Variants in EXOC6B observed in about 807,000 individuals in gnomAD.
The protein encoded by EXOC6B is SEC15 homolog B.
A neutral mutation model predicts 113.5 loss-of-function variants in EXOC6B; 54 were observed. The observed-to-expected ratio is 0.48, with a 90% CI of 0.38 to 0.60. The LOEUF (loss-of-function observed/expected upper bound fraction) is 0.60, where lower values mean the gene tolerates loss of function less well. Among genes scored for constraint, EXOC6B ranks in the 20% least tolerant of loss-of-function variants. The pLI, the probability that EXOC6B is intolerant of heterozygous loss-of-function variation, is 0.00. For missense variants in EXOC6B, 797 were observed against 977.5 expected (o/e 0.82, Z 2.46); for synonymous variants, 357 against 339.0 (o/e 1.05, Z -0.58).
chr2:72,300,526 T>G (rs531781863), intron 20 of EXOC6B, among the ~76,000 whole-genome samples: 1 of 151,758 alleles, frequency 6.6e-6, no homozygotes, highest in Admixed American at 6.6e-5. Context: ...TCCAGGGGAG[T>G]GAATGGTTCT....
intron 6 of EXOC6B, among the ~76,000 whole-genome samples, chr2:72,662,079 GA>G (rs1385961811): frequency 2.8e-4 from 36 of 130,820 alleles, no homozygotes; most frequent in Non-Finnish European, 5.5e-4. Flanking sequence ...GGAGGAAAGG[GA>G]GGGGGAGGGA....
chr2:72,499,968 T>C lies in EXOC6B; in HGVS notation c.1172A>G (p.Tyr391Cys), dbSNP rs1475176742. ...TAACACAAGGTTTGGATCAGAACAG[T>C]AAGACTAAAGTAAATAAAAGACAAA... The part of the protein sequence containing the change: ...TIAALRTHSS[Y>C]CSDPNLVLDL... The change falls in exon 12 of 22, where the codon TAC becomes TGC. Residue 391 changes from tyrosine (Y) to cysteine (C), a missense_variant. Physicochemically the swap from Tyr to Cys is radical, Grantham distance 194. Transcript: ENST00000272427. The C allele has an allele frequency of 6.5e-7, 1 of 1,545,796 alleles. No individual in the cohort carries two copies. The highest frequency in any genetic ancestry group is 2.0e-5 in the Admixed American group (1 of 50,986).
At chr2:72,654,502 A>T (rs1674448996) in intron 6 of EXOC6B, among the ~76,000 whole-genome samples, 2 of 152,162 alleles carry the variant, frequency 1.3e-5, no homozygotes, top group Non-Finnish European at 1.5e-5. Flanking sequence ...AGGTTTCAAA[A>T]CTGATGTGTA....
chr2:72,599,168 T>G (rs982571317), intron 6 of EXOC6B, among the ~76,000 whole-genome samples: 5 of 152,068 alleles, frequency 3.3e-5, no homozygotes, highest in African/African-American at 1.2e-4. Flanking sequence ...CAAAATATAG[T>G]AATGCAAATC....
At chr2:72,189,283 C>G (rs900064202) in intron 20 of EXOC6B, among the ~76,000 whole-genome samples, 9 of 152,064 alleles carry the variant, frequency 5.9e-5, no homozygotes, top group African/African-American at 2.2e-4. Context: ...GTTCCCCTGC[C>G]TCCATTTTTT....
At chr2:72,773,325 T>A (rs1683511368) in intron 1 of EXOC6B, among the ~76,000 whole-genome samples, 1 of 151,446 alleles carries the variant, frequency 6.6e-6, no homozygotes, top group East Asian at 1.9e-4. Context: ...AGATGGGATT[T>A]CACCATGTTG....
chr2:72,656,052 T>C (rs1674550810), intron 6 of EXOC6B, among the ~76,000 whole-genome samples: 1 of 152,006 alleles, frequency 6.6e-6, no homozygotes, highest in South Asian at 2.1e-4. Flanking sequence ...TTTAAGGAAA[T>C]GTTGGAAATA....
In EXOC6B at chr2:72,481,515, G is replaced by A. The variant is rs574966215; in HGVS notation, c.1666-765C>T. ...GGAATCATTAAAATGGCAACAAGAC[G>A]TTTCAAAATTAGGCATGATGAACAG... On this transcript the variant is annotated intron_variant, in intron 16 of 21. Transcript: ENST00000272427. Among the ~76,000 whole-genome samples the A allele has an allele frequency of 4.6e-5, 7 of 152,258 alleles. No individual in the cohort carries two copies. In the East Asian group the frequency reaches 9.6e-4, roughly 21 times the overall value.
In EXOC6B at chr2:72,717,982, C is replaced by T. The variant is rs180835906; in HGVS notation, c.669+121G>A. 1.4e-5 allele frequency: 9 copies of T among 664,948 alleles called. No individual in the cohort carries two copies. In the East Asian group the frequency reaches 2.5e-4, roughly 18 times the overall value. The allele number at this position is 664,948 out of a possible 1,614,324, so 41.2% of individuals were successfully genotyped here. The stretch of plus-strand genomic sequence containing the variant: ...CATATGTTTCCATAAATATGAAGGA[C>T]TTCCCTAAAATGATAAGAAACTTGG... On this transcript the variant is annotated intron_variant, in intron 6 of 21. Transcript: ENST00000272427.
chr2:72,305,712 A>C (rs982341576), intron 20 of EXOC6B, among the ~76,000 whole-genome samples: 4 of 152,176 alleles, frequency 2.6e-5, no homozygotes, highest in African/African-American at 9.7e-5. Context: ...ATAGTTATAT[A>C]AAGTTTCACT....
At chr2:72,529,481 G>A (rs1442475293) in intron 8 of EXOC6B, among the ~76,000 whole-genome samples, 1 of 152,116 alleles carries the variant, frequency 6.6e-6, no homozygotes, top group Admixed American at 6.5e-5. Context: ...TTCATAAAAT[G>A]AATTGGAAAG....
At chr2:72,258,804 G>A (rs1683519537) in intron 20 of EXOC6B, among the ~76,000 whole-genome samples, 2 of 152,162 alleles carry the variant, frequency 1.3e-5, no homozygotes, top group African/African-American at 2.4e-5. Context: ...TGTCACTGCA[G>A]CTGTTACTGC....
intron 20 of EXOC6B, among the ~76,000 whole-genome samples, chr2:72,257,557 G>A (rs1034617526): frequency 1.3e-5 from 2 of 152,120 alleles, no homozygotes. Flanking sequence ...AATGTTTACC[G>A]CTAGCTTAAT....
intron 20 of EXOC6B, among the ~76,000 whole-genome samples, chr2:72,198,364 A>T (rs561253013): frequency 6.6e-6 from 1 of 152,320 alleles, no homozygotes; most frequent in African/African-American, 2.4e-5. Flanking sequence ...GTCCATTTTG[A>T]AAAGGACTTT....
intron 6 of EXOC6B, among the ~76,000 whole-genome samples, chr2:72,645,275 C>T (rs903404760): frequency 2.0e-5 from 3 of 152,126 alleles, no homozygotes; most frequent in Non-Finnish European, 2.9e-5. Context: ...TACAGGAGCA[C>T]CCAGATTCAT....
chr2:72,735,506 C>T (rs948747222), intron 2 of EXOC6B, among the ~76,000 whole-genome samples: 3 of 152,130 alleles, frequency 2.0e-5, no homozygotes, highest in African/African-American at 7.2e-5. Context: ...CTAATGAATG[C>T]TTCCAGTAAG....
chr2:72,413,045 G>A lies in EXOC6B; in HGVS notation c.1981-33175C>T, dbSNP rs556173536. On this transcript the variant is annotated intron_variant, in intron 18 of 21. Transcript: ENST00000272427. ...GCGATCTCAGCTCACTGCAGGCTCC[G>A]CCTCCCGGGTTCACGCCATTCTCCT... Among the ~76,000 whole-genome samples, 250 of 152,070 alleles carry A rather than the reference G, an allele frequency of 1.6e-3. 2 individuals are homozygous for A. The highest frequency in any genetic ancestry group is 5.8e-3 in the African/African-American group (240 of 41,510).
chr2:72,590,299 T>C (rs1412186659), intron 6 of EXOC6B, among the ~76,000 whole-genome samples: 2 of 151,864 alleles, frequency 1.3e-5, no homozygotes, highest in African/African-American at 2.4e-5. Context: ...AAAAATAATA[T>C]GAATAACATT....
chr2:72,324,846 C>T (rs921183987), intron 20 of EXOC6B, among the ~76,000 whole-genome samples: 2 of 151,890 alleles, frequency 1.3e-5, no homozygotes, highest in African/African-American at 2.4e-5. Flanking sequence ...CTTAATAGAC[C>T]GAGGCAGAAT....
Sources: allele counts gnomAD v4.1 joint callset (sites outside exome capture counted in the v4.1 genomes callset), GRCh38; gene constraint gnomAD v4.1.1; transcripts MANE v1.5; gene names NCBI Gene and HGNC (gene_info 2026-07-23, HGNC 2026-07-21).